Variants in AKAP19 observed in about 807,000 individuals in gnomAD.
AKAP19 encodes small A-kinase anchoring protein.
chr2:190,197,759 C>T, the AKAP19 span, among the ~76,000 whole-genome samples: 3 of 152,182 alleles, frequency 2.0e-5, no homozygotes, highest in Non-Finnish European at 4.4e-5. The surrounding 1 kb of genome is among the most constrained non-coding windows in gnomAD (Gnocchi z 4.0). Context: ...GGTTTTAAAA[C>T]TGGTTTTGGC....
chr2:189,932,430 TTC>T, the AKAP19 span, among the ~76,000 whole-genome samples: 1 of 149,054 alleles, frequency 6.7e-6, no homozygotes, highest in South Asian at 2.1e-4. Context: ...AAAAAAGTCA[TTC>T]TATTCATGAT....
chr2:189,966,811 C>T, the AKAP19 span, among the ~76,000 whole-genome samples: 2 of 152,112 alleles, frequency 1.3e-5, no homozygotes, highest in African/African-American at 4.8e-5. Context: ...TATATTACTT[C>T]TTACAATTTT....
chr2:190,117,636 A>T, the AKAP19 span, among the ~76,000 whole-genome samples: 1 of 152,246 alleles, frequency 6.6e-6, no homozygotes, highest in Non-Finnish European at 1.5e-5. Flanking sequence ...AGAATGAAAC[A>T]AAAACAATGC....
the AKAP19 span, among the ~76,000 whole-genome samples, chr2:190,085,859 A>G: frequency 1.3e-5 from 2 of 152,210 alleles, no homozygotes; most frequent in Non-Finnish European, 2.9e-5. Flanking sequence ...AAAATATTAT[A>G]GTGGAAATTA....
chr2:189,914,285 A>G, the AKAP19 span, among the ~76,000 whole-genome samples: 1 of 152,102 alleles, frequency 6.6e-6, no homozygotes, highest in Non-Finnish European at 1.5e-5. Context: ...TAGTTTATTT[A>G]TTACAAATTG....
the AKAP19 span, among the ~76,000 whole-genome samples, chr2:190,069,860 A>G: frequency 6.6e-6 from 1 of 152,206 alleles, no homozygotes; most frequent in African/African-American, 2.4e-5. Flanking sequence ...CTTTAGGGCT[A>G]TAGGATGTTA....
chr2:190,030,593 C>A, the AKAP19 span, among the ~76,000 whole-genome samples: 1 of 152,224 alleles, frequency 6.6e-6, no homozygotes, highest in Non-Finnish European at 1.5e-5. Flanking sequence ...CCAACACTCA[C>A]AACAACCAGT....
chr2:190,034,084 TA>T, the AKAP19 span, among the ~76,000 whole-genome samples: 34 of 139,786 alleles, frequency 2.4e-4, no homozygotes, highest in Admixed American at 9.1e-4. Context: ...TAAAGTATAA[TA>T]AAAAAAATTA....
chr2:190,057,619 T>A, the AKAP19 span: 1 of 1,613,290 alleles, frequency 6.2e-7, no homozygotes, highest in South Asian at 1.1e-5. Flanking sequence ...GTCTGTTACC[T>A]TGACCTCTAA....
the AKAP19 span, among the ~76,000 whole-genome samples, chr2:190,026,252 C>G: frequency 2.3e-4 from 35 of 152,272 alleles, no homozygotes; most frequent in African/African-American, 6.3e-4. Context: ...ATCTGCCCCC[C>G]AGCTTTATGT....
the AKAP19 span, among the ~76,000 whole-genome samples, chr2:190,025,691 C>A: frequency 6.6e-6 from 1 of 152,134 alleles, no homozygotes; most frequent in Non-Finnish European, 1.5e-5. Context: ...TGCTAATGGG[C>A]AGTATTTGCT....
At chr2:189,999,703 G>A in the AKAP19 span, among the ~76,000 whole-genome samples, 7 of 151,928 alleles carry the variant, frequency 4.6e-5, no homozygotes, top group East Asian at 3.9e-4. Flanking sequence ...TAAGGCATAC[G>A]TATGAGAAGG....
the AKAP19 span, among the ~76,000 whole-genome samples, chr2:190,109,243 G>A: frequency 1.3e-5 from 2 of 152,184 alleles, no homozygotes; most frequent in African/African-American, 4.8e-5. Flanking sequence ...TTCAGCAGAT[G>A]TAAACAGTAT....
the AKAP19 span, among the ~76,000 whole-genome samples, chr2:189,922,981 C>A: frequency 6.6e-6 from 1 of 152,040 alleles, no homozygotes; most frequent in Non-Finnish European, 1.5e-5. Context: ...GAAACCTTGT[C>A]TCTACTAAAA....
the AKAP19 span, among the ~76,000 whole-genome samples, chr2:190,020,809 A>G: frequency 2.0e-5 from 3 of 152,110 alleles, no homozygotes; most frequent in Admixed American, 6.5e-5. Context: ...TATGAGTTTT[A>G]CTTTCTATCT....
At chr2:190,066,819 G>A in the AKAP19 span, among the ~76,000 whole-genome samples, 9 of 152,248 alleles carry the variant, frequency 5.9e-5, no homozygotes, top group Non-Finnish European at 7.4e-5. Context: ...ATGTATGTAT[G>A]TGTGAATTCA....
At chr2:190,191,566 A>G in the AKAP19 span, among the ~76,000 whole-genome samples, 1 of 152,202 alleles carries the variant, frequency 6.6e-6, no homozygotes, top group African/African-American at 2.4e-5. Context: ...AAACTTTTCC[A>G]GAGGCCATGT....
the AKAP19 span, among the ~76,000 whole-genome samples, chr2:190,100,910 C>G: frequency 6.6e-6 from 1 of 152,142 alleles, no homozygotes; most frequent in African/African-American, 2.4e-5. Flanking sequence ...GTGAGAGAGG[C>G]AGAGAGCCTC....
At chr2:190,024,380 G>GTGTA in the AKAP19 span, among the ~76,000 whole-genome samples, 5 of 146,016 alleles carry the variant, frequency 3.4e-5, no homozygotes, top group African/African-American at 5.0e-5. Context: ...ATATGTGTGT[G>GTGTA]TATATATATA....
Sources: gnomAD v4.1 joint callset for allele counts (sites outside exome capture counted in the v4.1 genomes callset) on GRCh38, gnomAD v4.1.1 for gene constraint, Gnocchi (gnomAD v3.1) non-coding constraint, MANE v1.5 for transcripts, NCBI Gene and HGNC (gene_info 2026-07-23, HGNC 2026-07-21) for gene names.